Variants in MYO18A observed in about 807,000 individuals in gnomAD.
MYO18A encodes myosin XVIIIA, also known as unconventional myosin-XVIIIa.
MYO18A carries 78 observed loss-of-function variants against 235.8 expected under a neutral mutation model. The observed-to-expected ratio is 0.33, with a 90% CI of 0.28 to 0.40. The LOEUF (loss-of-function observed/expected upper bound fraction) is 0.40, where lower values mean the gene tolerates loss of function less well. Ranked by LOEUF, MYO18A falls within the 10% of genes least tolerant of loss-of-function variation. MYO18A has a pLI of 1.00. For synonymous variants in MYO18A, 977 were observed against 1,077.8 expected (o/e 0.91, Z 1.83); for missense variants, 2,215 against 2,699.3 (o/e 0.82, Z 3.98).
chr17:29,122,212 A>G lies in MYO18A; in HGVS notation c.1041T>C (p.Asn347=). The change falls in exon 3 of 42, where the codon AAT becomes AAC. Residue 347 remains asparagine (N), a synonymous_variant. Coordinates refer to ENST00000527372, the MANE Select transcript of MYO18A (RefSeq NM_078471.4). ...GGACCAGCCACACCTTCTCCGTCTC[A>G]TTCCAGGCCTCTTCTGCTGCAATCT... The part of the protein sequence containing the change: ...EEQIAAEEAW[N]ETEKVWLVHR... 7 of 1,613,644 alleles carry G rather than the reference A, an allele frequency of 4.3e-6. No individual in the cohort carries two copies. Among genetic ancestry groups the G allele is most frequent in the Non-Finnish European group, 5.9e-6 (7 of 1,179,742 alleles).
rs1436743352 is a variant in MYO18A, at chr17:29,080,095, C to G, written c.6020+2221G>C. On this transcript the variant is annotated intron_variant, in intron 41 of 41. Coordinates refer to ENST00000527372, the MANE Select transcript of MYO18A (RefSeq NM_078471.4). ...CCGGCTCTTCCGGCCGCTGCGGGACCGGGACACATCAGCAGCAGAGGCGGA... is the reference window on the plus strand; with the variant it reads ...CCGGCTCTTCCGGCCGCTGCGGGACGGGGACACATCAGCAGCAGAGGCGGA... 3 of 985,782 alleles carry G rather than the reference C, an allele frequency of 3.0e-6. No individual in the cohort carries two copies. In the South Asian group the frequency reaches 1.4e-4, roughly 46 times the overall value. 61.1% of individuals were successfully genotyped at this position (985,782 alleles called of 1,614,324 possible). A position where few individuals can be genotyped will look rare whatever the true frequency, so the allele number is the denominator to read the frequency against.
chr17:29,115,516 G>A, intron 12 of MYO18A, 75 bp from the exon 13 acceptor site: 3 of 1,539,626 alleles, frequency 1.9e-6, no homozygotes, highest in Non-Finnish European at 2.6e-6. Context: ...GACCTGCCCA[G>A]GGCCCAGTCA....
chr17:29,169,723 TG>T (rs2068360050), intron 1 of MYO18A, among the ~76,000 whole-genome samples: 1 of 152,122 alleles, frequency 6.6e-6, no homozygotes, highest in South Asian at 2.1e-4. Context: ...GGGACTTGGA[TG>T]GGACAAACAA....
intron 2 of MYO18A, among the ~76,000 whole-genome samples, chr17:29,161,918 A>G (rs1230548747): frequency 6.6e-6 from 1 of 152,214 alleles, no homozygotes; most frequent in Non-Finnish European, 1.5e-5. Flanking sequence ...GCCTTCAGCA[A>G]ACTTAAGAGT....
chr17:29,073,154 G>C lies in MYO18A; in HGVS notation c.*1616C>G, dbSNP rs2065905880. 7.0e-6 allele frequency: 1 copy of C among 143,440 alleles called. No individual in the cohort carries two copies. Among genetic ancestry groups the C allele is most frequent in the Non-Finnish European group, 1.5e-5 (1 of 65,970 alleles). The allele number at this position is 143,440 out of a possible 1,614,324, so 8.9% of individuals were successfully genotyped here. ...AGGAGGAAGAGAAGAGAAGAGAAGA[G>C]AATCTCTGTAATTGGTGAGATTTAA... On this transcript the variant is annotated 3_prime_UTR_variant, in exon 42 of 42. Coordinates refer to ENST00000527372, the MANE Select transcript of MYO18A (RefSeq NM_078471.4).
chr17:29,085,674 C>T, intron 39 of MYO18A, 26 bp from the exon 40 acceptor site: 1 of 1,613,448 alleles, frequency 6.2e-7, no homozygotes, highest in Non-Finnish European at 8.5e-7. Flanking sequence ...AAATGGTGGG[C>T]AAGGGGTCCA....
Position 29,106,114 on chromosome 17 carries a change from C to A in MYO18A, c.3441+966G>T, listed in dbSNP as rs971497455. ...AAGAGAGGAGTGGGACCAGCAGGCA[C>A]GAGGCTGTGGTCAGAGAAGGCCATG... On this transcript the variant is annotated intron_variant, in intron 20 of 41. Transcript: ENST00000527372. The surrounding 1 kb of genome is among the most constrained non-coding windows in gnomAD (Gnocchi z 4.6). Among the ~76,000 whole-genome samples, 1 of 152,092 alleles carries A rather than the reference C, an allele frequency of 6.6e-6. No homozygotes were observed. Among genetic ancestry groups the A allele is most frequent in the African/African-American group, 2.4e-5 (1 of 41,402 alleles).
At chr17:29,091,683 T>C (rs116018957) in intron 34 of MYO18A, 93 of 454,810 alleles carry the variant, frequency 2.0e-4, no homozygotes, top group African/African-American at 1.6e-3. Context: ...GCCCGTGAGA[T>C]TGGCATCTCT....
In MYO18A at chr17:29,124,638, G is replaced by A. The variant is rs1213596046; in HGVS notation, c.1000-2385C>T. 3.1e-6 allele frequency: 4 copies of A among 1,280,158 alleles called. No individual in the cohort carries two copies. The East Asian group carries it at 2.3e-4, about 72-fold the overall frequency. The allele number at this position is 1,280,158 out of a possible 1,614,324, so 79.3% of individuals were successfully genotyped here. On this transcript the variant is annotated intron_variant, in intron 2 of 41. Transcript: ENST00000527372. ...AGGGAGCGGAGGGCTCCTGAGTGGGGGGAGAGCACCCTACCTGGCTGTGGG... is the reference window on the plus strand; with the variant it reads ...AGGGAGCGGAGGGCTCCTGAGTGGGAGGAGAGCACCCTACCTGGCTGTGGG...
rs1213240045 is a variant in MYO18A, at chr17:29,128,633, C to T, written c.1000-6380G>A. Reference sequence around the variant, plus strand: ...GAGGGAATAAGAAGGTGTGACCTCACGCCCTGGAACAGATCTCCCATTCAT... The same window carrying T: ...GAGGGAATAAGAAGGTGTGACCTCATGCCCTGGAACAGATCTCCCATTCAT... On this transcript the variant is annotated intron_variant, in intron 2 of 41. Transcript: ENST00000527372. 6.9e-5 allele frequency: 69 copies of T among 994,076 alleles called. No homozygotes were observed. The Admixed American group carries it at 7.1e-4, about 10-fold the overall frequency. 61.6% of individuals were successfully genotyped at this position (994,076 alleles called of 1,614,324 possible).
At chr17:29,119,502 A>G in intron 7 of MYO18A, 67 bp from the exon 8 acceptor site, 2 of 1,224,312 alleles carry the variant, frequency 1.6e-6, no homozygotes, top group Non-Finnish European at 2.3e-6. Flanking sequence ...CACCCCACAT[A>G]AGAAGGAATC....
Position 29,098,880 on chromosome 17 carries a change from T to G in MYO18A, c.3726A>C (p.Thr1242=). 1 of 1,613,982 alleles carries G rather than the reference T, an allele frequency of 6.2e-7. No homozygotes were observed. Among genetic ancestry groups the G allele is most frequent in the Non-Finnish European group, 8.5e-7 (1 of 1,179,882 alleles). Reference sequence around the variant, plus strand: ...GCTGTACTTCGATGAGGGGCCTCACTGTGGTAAAAAGCTTCCACCAGGGCC... The same window carrying G: ...GCTGTACTTCGATGAGGGGCCTCACGGTGGTAAAAAGCTTCCACCAGGGCC... The part of the protein sequence containing the change: ...KDWPWWKLFT[T]VRPLIEVQLS... The change falls in exon 23 of 42, where the codon ACA becomes ACC. Residue 1242 remains threonine, a synonymous_variant. Transcript: ENST00000527372.
chr17:29,139,494 T>A (rs1400940832), intron 2 of MYO18A, among the ~76,000 whole-genome samples: 1 of 151,982 alleles, frequency 6.6e-6, no homozygotes, highest in East Asian at 1.9e-4. Context: ...GGCAGGGCAG[T>A]CCTGAGCACA....
chr17:29,083,937 G>A (rs1452838647), intron 40 of MYO18A, among the ~76,000 whole-genome samples: 1 of 152,344 alleles, frequency 6.6e-6, no homozygotes, highest in East Asian at 1.9e-4. Flanking sequence ...CATGTTAAAA[G>A]CGTTTCCATA....
chr17:29,154,293 G>A (rs777782754), intron 2 of MYO18A, among the ~76,000 whole-genome samples: 17 of 152,184 alleles, frequency 1.1e-4, no homozygotes, highest in African/African-American at 1.7e-4. Flanking sequence ...CAGTGTGCCC[G>A]CACAGGGTGG....
At position 29,090,631 on chromosome 17, in the gene MYO18A, G is replaced by A. The variant is rs766879718; in HGVS notation, c.5305-16C>T. The A allele has an allele frequency of 1.3e-6, 2 of 1,594,292 alleles. No individual in the cohort carries two copies. Among genetic ancestry groups the A allele is most frequent in the South Asian group, 1.1e-5 (1 of 88,844 alleles). ...CCCGGGAAGCCTGGGAAAGGAATGA[G>A]AGCATCAGAAGCAGGATCCCCCATA... On this transcript the variant is annotated splice_polypyrimidine_tract_variant and intron_variant, in intron 35 of 41. Coordinates refer to ENST00000527372, the MANE Select transcript of MYO18A (RefSeq NM_078471.4).
intron 38 of MYO18A, 105 bp downstream of exon 38, chr17:29,086,831 G>T: frequency 7.5e-7 from 1 of 1,331,400 alleles, no homozygotes; most frequent in Non-Finnish European, 1.0e-6. Flanking sequence ...TGACTCATGT[G>T]CAGTTTCTTT....
In MYO18A at chr17:29,132,209, G is replaced by C. The variant is rs114250911; in HGVS notation, c.1000-9956C>G. On this transcript the variant is annotated intron_variant, in intron 2 of 41. Transcript: ENST00000527372. Reference sequence around the variant, plus strand: ...CTGGCTGGCCTGAGTCAGAGGGGAGGAGTGGAGTCGTGGAAACAGCAGATA... The same window carrying C: ...CTGGCTGGCCTGAGTCAGAGGGGAGCAGTGGAGTCGTGGAAACAGCAGATA... Among the ~76,000 whole-genome samples, 467 of 152,340 alleles carry C rather than the reference G, an allele frequency of 3.1e-3. 2 individuals carry two copies. Among genetic ancestry groups the C allele is most frequent in the African/African-American group, 0.011 (449 of 41,568 alleles).
rs142430455 is a variant in MYO18A, at chr17:29,154,121, T to TGTGTGTGTGTGTGCGCGCGC, written c.999+11820_999+11821insGCGCGCGCACACACACACAC. Among the ~76,000 whole-genome samples the TGTGTGTGTGTGTGCGCGCGC allele has an allele frequency of 2.5e-3, 376 of 149,098 alleles. 1 individual carries two copies. The highest frequency in any genetic ancestry group is 0.01 in the Middle Eastern group (3 of 292). ...TGCAGAGTGTGTGTGTGTGTGTGTG[T>TGTGTGTGTGTGTGCGCGCGC]GCGCGCGCGTGCGTGTGTATGTGGC... On this transcript the variant is annotated intron_variant, in intron 2 of 41. Coordinates refer to ENST00000527372, the MANE Select transcript of MYO18A (RefSeq NM_078471.4).
Sources: gnomAD v4.1 joint callset for allele counts (sites outside exome capture counted in the v4.1 genomes callset) on GRCh38, gnomAD v4.1.1 for gene constraint, Gnocchi (gnomAD v3.1) non-coding constraint, MANE v1.5 for transcripts, NCBI Gene and HGNC (gene_info 2026-07-23, HGNC 2026-07-21) for gene names.